The following SLC1A2 variants were observed in gnomAD, a reference collection of about 807,000 sequenced individuals.
The protein encoded by SLC1A2 is excitatory amino acid transporter 2.
Under a neutral mutation model 48.8 loss-of-function variants are expected in SLC1A2, and 15 were observed. That is an observed-to-expected ratio of 0.31 (90% CI 0.21 to 0.47). The LOEUF (loss-of-function observed/expected upper bound fraction) is 0.47. Ranked by LOEUF, SLC1A2 falls within the 20% of genes least tolerant of loss-of-function variation. The pLI is 0.99. For missense variants in SLC1A2, 502 were observed against 730.5 expected, an observed-to-expected ratio of 0.69 and a Z score of 3.61; for synonymous variants, 279 against 272.6, an observed-to-expected ratio of 1.02 and a Z score of -0.23.
chr11:35,388,361 T>C (rs1053994062), intron 1 of SLC1A2, among the ~76,000 whole-genome samples: 6 of 152,148 alleles, frequency 3.9e-5, no homozygotes, highest in African/African-American at 1.4e-4. Flanking sequence ...AACTCTTTTT[T>C]ATAGCATTCG....
At chr11:35,301,435 T>C (rs1236959875) in intron 6 of SLC1A2, 84 bp downstream of exon 6, 3 of 1,342,848 alleles carry the variant, frequency 2.2e-6, no homozygotes, top group Middle Eastern at 1.8e-4. Flanking sequence ...GCCAACTTTT[T>C]CCTGCAGGGA....
chr11:35,271,552 C>A (rs1399266670), intron 9 of SLC1A2, among the ~76,000 whole-genome samples: 1 of 152,146 alleles, frequency 6.6e-6, no homozygotes, highest in Admixed American at 6.5e-5. Context: ...TGGCAAACAA[C>A]CCTAATTATT....
chr11:35,383,362 T>C (rs761550945), intron 1 of SLC1A2, among the ~76,000 whole-genome samples: 1 of 152,352 alleles, frequency 6.6e-6, no homozygotes, highest in Middle Eastern at 3.4e-3. Flanking sequence ...ATTTTTATAA[T>C]GGTTATTATG....
In SLC1A2 at chr11:35,256,208, T is replaced by A. The variant is rs772524182; in HGVS notation, c.*4686A>T. The A allele has an allele frequency of 6.6e-6, 1 of 152,350 alleles. No homozygotes were observed. Among genetic ancestry groups the A allele is most frequent in the Admixed American group, 6.5e-5 (1 of 15,308 alleles). 9.4% of individuals were successfully genotyped at this position (152,350 alleles called of 1,614,324 possible). A position where few individuals can be genotyped will look rare whatever the true frequency, so the allele number is the denominator to read the frequency against. On this transcript the variant is annotated 3_prime_UTR_variant, in exon 11 of 11. Coordinates refer to ENST00000278379, the MANE Select transcript of SLC1A2 (RefSeq NM_004171.4). ...CTCTACCAAACCATGTTGTTTCTTA[T>A]CATCTCTATGTCATTGCCTGAATTA... is the stretch of plus-strand genomic sequence containing the variant.
intron 1 of SLC1A2, among the ~76,000 whole-genome samples, chr11:35,321,801 G>C (rs1852077898): frequency 6.6e-6 from 1 of 152,112 alleles, no homozygotes; most frequent in Non-Finnish European, 1.5e-5. Flanking sequence ...GTCACGTCCA[G>C]TGGGCACGCT....
intron 3 of SLC1A2, among the ~76,000 whole-genome samples, chr11:35,313,651 G>A (rs907245235): frequency 2.0e-5 from 3 of 152,122 alleles, no homozygotes; most frequent in Admixed American, 6.6e-5. Context: ...TCTAGCCGAC[G>A]GGAGCTAGGT....
chr11:35,394,125 G>A (rs535537810), intron 1 of SLC1A2, among the ~76,000 whole-genome samples: 1 of 151,980 alleles, frequency 6.6e-6, no homozygotes, highest in Admixed American at 6.5e-5. Context: ...CCCAACCCTA[G>A]GGTCTAACTT....
chr11:35,290,671 C>G (rs1355531710), intron 7 of SLC1A2, among the ~76,000 whole-genome samples: 2 of 146,494 alleles, frequency 1.4e-5, no homozygotes, highest in African/African-American at 2.5e-5. Flanking sequence ...TATGAGATAC[C>G]AGGCTTATAA....
intron 1 of SLC1A2, among the ~76,000 whole-genome samples, chr11:35,407,125 C>A (rs1855322588): frequency 6.6e-6 from 1 of 151,648 alleles, no homozygotes; most frequent in South Asian, 2.1e-4. Flanking sequence ...AAAATACATC[C>A]AACTCTAGCT....
intron 9 of SLC1A2, among the ~76,000 whole-genome samples, chr11:35,273,697 TA>T (rs1379079636): frequency 1.3e-5 from 2 of 152,234 alleles, no homozygotes; most frequent in African/African-American, 2.4e-5. Flanking sequence ...ACCCCATTAC[TA>T]GACTATAAGC....
At chr11:35,310,148 T>G (rs952205565) in intron 4 of SLC1A2, among the ~76,000 whole-genome samples, 1 of 152,196 alleles carries the variant, frequency 6.6e-6, no homozygotes, top group Admixed American at 6.5e-5. Context: ...TTCTTGGTCC[T>G]GCCTTCCTTT....
At chr11:35,344,467 C>T (rs867897570) in intron 1 of SLC1A2, among the ~76,000 whole-genome samples, 12 of 152,306 alleles carry the variant, frequency 7.9e-5, no homozygotes, top group Middle Eastern at 3.4e-3. Flanking sequence ...CTACACAGTG[C>T]ACAGGTCAAA....
rs1243937178 is a variant in SLC1A2, at chr11:35,371,712, T to A, written c.17+47238A>T. On this transcript the variant is annotated intron_variant, in intron 1 of 10. Coordinates refer to ENST00000278379, the MANE Select transcript of SLC1A2 (RefSeq NM_004171.4). ...AATTAACAGGCTGACTTCTTGCTAC[T>A]CAGAGTGCACCCAAGCAACCATCCA... Among the ~76,000 whole-genome samples the A allele has an allele frequency of 2.2e-5, 3 of 139,384 alleles. No individual in the cohort carries two copies. In the East Asian group the frequency reaches 6.2e-4, roughly 29 times the overall value. The allele number at this position is 139,384 out of a possible 152,430, so 91.4% of individuals were successfully genotyped here.
intron 1 of SLC1A2, among the ~76,000 whole-genome samples, chr11:35,346,877 G>C (rs1006668238): frequency 6.6e-6 from 1 of 152,176 alleles, no homozygotes; most frequent in South Asian, 2.1e-4. Context: ...CCCACATCTT[G>C]GACACAGGAT....
intron 1 of SLC1A2, among the ~76,000 whole-genome samples, chr11:35,321,214 A>T (rs909244508): frequency 1.3e-5 from 2 of 152,186 alleles, no homozygotes; most frequent in African/African-American, 4.8e-5. Context: ...TGATTCAGTT[A>T]TCTCCCACGG....
At chr11:35,333,022 C>G (rs1303006315) in intron 1 of SLC1A2, among the ~76,000 whole-genome samples, 1 of 152,168 alleles carries the variant, frequency 6.6e-6, no homozygotes, top group Non-Finnish European at 1.5e-5. Context: ...CAGGTTGGCT[C>G]CCTGGAGTGG....
intron 1 of SLC1A2, among the ~76,000 whole-genome samples, chr11:35,350,367 A>G (rs2135079600): frequency 1.3e-5 from 2 of 152,330 alleles, no homozygotes; most frequent in Middle Eastern, 6.8e-3. Flanking sequence ...GAGCATTTAT[A>G]TTAAGTCCAG....
At chr11:35,289,008 G>C (rs1850910724) in intron 7 of SLC1A2, among the ~76,000 whole-genome samples, 1 of 152,198 alleles carries the variant, frequency 6.6e-6, no homozygotes, top group Non-Finnish European at 1.5e-5. Context: ...TGCTGACATT[G>C]CTTTTTTGGT....
intron 1 of SLC1A2, among the ~76,000 whole-genome samples, chr11:35,363,566 G>C (rs374978145): frequency 2.6e-5 from 4 of 152,214 alleles, no homozygotes; most frequent in Admixed American, 6.5e-5. Context: ...AACACATCTG[G>C]CTTGGTCTCA....
Sources: allele counts gnomAD v4.1 joint callset (sites outside exome capture counted in the v4.1 genomes callset), GRCh38; gene constraint gnomAD v4.1.1; transcripts MANE v1.5; gene names NCBI Gene and HGNC (gene_info 2026-07-23, HGNC 2026-07-21).